Variants in C19orf25 observed in about 807,000 individuals in gnomAD.
C19orf25 encodes UPF0449 protein C19orf25.
In C19orf25, 1 loss-of-function variant was observed where a neutral mutation model predicts 3.1. The ratio of observed to expected loss-of-function variants is 0.32; its 90% CI spans 0.12 to 1.54. C19orf25 has a LOEUF of 1.54. C19orf25 is among the 40% of genes most tolerant of loss of function. The probability of loss-of-function intolerance (pLI) is 0.38; values close to 1 mark genes in which losing one functional copy is unlikely to be tolerated. For missense variants in C19orf25, 196 were observed against 160.4 expected (o/e 1.22, Z -1.20); for synonymous variants, 91 against 74.3 (o/e 1.23, Z -1.16).
chr19:1,478,780 G>C lies in C19orf25; in HGVS notation c.124C>G (p.Pro42Ala), dbSNP rs368399071. 2.3e-4 allele frequency: 356 copies of C among 1,573,624 alleles called. 3 individuals carry two copies. The highest frequency in any genetic ancestry group is 1.1e-3 in the South Asian group (93 of 85,816). The change falls in exon 2 of 3, where the codon CCG (proline) becomes GCG (alanine). Residue 42 changes from proline (P) to alanine (A), a missense_variant. Physicochemically the swap from Pro to Ala is conservative, Grantham distance 27. Transcript: ENST00000585675. ...AEDPVFTILA[P>A]EDPPVPFRMM... is the part of the protein sequence containing the mutation. Reference sequence around the variant, plus strand: ...GGGACCGGGCTCCCCCTACCTTCCGGGGCCAGGATGGTGAACACTGGATCC... The same window carrying C: ...GGGACCGGGCTCCCCCTACCTTCCGCGGCCAGGATGGTGAACACTGGATCC...
At chr19:1,476,329 T>C in intron 2 of C19orf25, 1 of 398,806 alleles carries the variant, frequency 2.5e-6, no homozygotes, top group Non-Finnish European at 4.4e-6. Context: ...GGCCGGGCAG[T>C]GCCTGGATGA....
At chr19:1,477,396 C>G (rs560106187) in intron 2 of C19orf25, among the ~76,000 whole-genome samples, 1 of 152,198 alleles carries the variant, frequency 6.6e-6, no homozygotes, top group African/African-American at 2.4e-5. Flanking sequence ...GTGCTCTAAG[C>G]GCAGAGCCCA....
intron 2 of C19orf25, 79 bp from the exon 3 acceptor site, chr19:1,475,337 G>A (rs919591355): frequency 1.8e-5 from 26 of 1,406,920 alleles, no homozygotes; most frequent in Non-Finnish European, 2.5e-5. Flanking sequence ...CCCCCAAAGG[G>A]CAGGGTTCCC....
At position 1,478,914 on chromosome 19, in the gene C19orf25, G is replaced by A. The variant is rs781475466; in HGVS notation, c.-2-9C>T. On this transcript the variant is annotated splice_polypyrimidine_tract_variant and intron_variant, in intron 1 of 2. Transcript: ENST00000585675. ...TGCCTTGGAGCCCATCTCTGAAGGC[G>A]GGGAAGGGGGCGCTGACCGGGGCGT... is the stretch of plus-strand genomic sequence containing the variant. The A allele has an allele frequency of 1.2e-5, 19 of 1,583,422 alleles. No homozygotes were observed. The highest frequency in any genetic ancestry group is 2.1e-4 in the Middle Eastern group (1 of 4,808).
chr19:1,478,362 T>G (rs938200548), intron 2 of C19orf25: 3 of 318,842 alleles, frequency 9.4e-6, no homozygotes, highest in Non-Finnish European at 1.7e-5. Context: ...TGCCTCAGCC[T>G]CCCGAGTAGC....
In C19orf25 at chr19:1,479,163, C is replaced by A. The variant is rs944297290; in HGVS notation, c.-3G>T. 1.6e-5 allele frequency: 21 copies of A among 1,279,742 alleles called. No individual in the cohort carries two copies. In the African/African-American group the frequency reaches 2.9e-4, roughly 18 times the overall value. The allele number at this position is 1,279,742 out of a possible 1,614,324, so 79.3% of individuals were successfully genotyped here. A position where few individuals can be genotyped will look rare whatever the true frequency, so the allele number is the denominator to read the frequency against. On this transcript the variant is annotated splice_region_variant and 5_prime_UTR_variant, in exon 1 of 3. Coordinates refer to ENST00000585675, the MANE Select transcript of C19orf25 (RefSeq NM_152482.3). ...ACCCCAGTCGCCGGCCTCTTCCCAC[C>A]TGGGCGCGGGACCCGAAAGCCCAGC...
chr19:1,474,838 G>A lies in C19orf25; in HGVS notation c.*194C>T. 6.8e-7 allele frequency: 1 copy of A among 1,465,580 alleles called. No homozygotes were observed. Among genetic ancestry groups the A allele is most frequent in the South Asian group, 1.3e-5 (1 of 74,144 alleles). The allele number at this position is 1,465,580 out of a possible 1,614,324, so 90.8% of individuals were successfully genotyped here. On this transcript the variant is annotated 3_prime_UTR_variant, in exon 3 of 3. Coordinates refer to ENST00000585675, the MANE Select transcript of C19orf25 (RefSeq NM_152482.3). ...CCTCAGGTCACGCAGGACGGAGCCA[G>A]CTGGGTGGGTCCCACCAACTCGGCA...
At chr19:1,479,135 G>A (rs2084238280) in intron 1 of C19orf25, 28 bp downstream of exon 1, 1 of 1,305,126 alleles carries the variant, frequency 7.7e-7, no homozygotes, top group East Asian at 3.2e-5. Flanking sequence ...TTTCCCCGCG[G>A]TCACCCCAGT....
intron 1 of C19orf25, 85 bp from the exon 2 acceptor site, chr19:1,478,990 C>G: frequency 1.4e-6 from 2 of 1,434,672 alleles, no homozygotes; most frequent in Non-Finnish European, 9.1e-7. Context: ...CGAACTCGTA[C>G]GCACCCGTCG....
intron 1 of C19orf25, 98 bp from the exon 2 acceptor site, chr19:1,479,003 G>T: frequency 7.0e-7 from 1 of 1,422,188 alleles, no homozygotes; most frequent in Middle Eastern, 2.6e-4. Context: ...ACCCGTCGCG[G>T]TCCCGCTCCC....
rs1382958697 is a variant in C19orf25 at position 1,474,447 on chromosome 19, C to G, written c.*585G>C. ...GCTGGGAGACACCCGTGCCGTGGAG[C>G]TAGGCCCAGCCTGGCTGGGTCTCAG... On this transcript the variant is annotated 3_prime_UTR_variant, in exon 3 of 3. Coordinates refer to ENST00000585675, the MANE Select transcript of C19orf25 (RefSeq NM_152482.3). 1.1e-5 allele frequency: 2 copies of G among 179,290 alleles called. No individual in the cohort carries two copies. Among genetic ancestry groups the G allele is most frequent in the African/African-American group, 4.7e-5 (2 of 42,472 alleles). The allele number at this position is 179,290 out of a possible 1,614,324, so 11.1% of individuals were successfully genotyped here.
rs2084174374 is a variant in C19orf25 at position 1,473,724 on chromosome 19, A to G, written c.*1308T>C. 6.6e-6 allele frequency: 1 copy of G among 152,546 alleles called. No homozygotes were observed. Among genetic ancestry groups the G allele is most frequent in the Admixed American group, 6.5e-5 (1 of 15,290 alleles). The allele number at this position is 152,546 out of a possible 1,614,324, so 9.4% of individuals were successfully genotyped here. On this transcript the variant is annotated 3_prime_UTR_variant, in exon 3 of 3. Transcript: ENST00000585675. ...ACAGCCCTGGCCCAGCTGGGGGGAC[A>G]AGGAAAGCTATGACTGCAAGCAGCA...
intron 2 of C19orf25, chr19:1,476,622 A>C (rs1334989256): frequency 3.8e-6 from 1 of 260,758 alleles, no homozygotes; most frequent in East Asian, 6.5e-5. Flanking sequence ...AATATGTCTA[A>C]AGGGAAAACA....
chr19:1,474,781 GTCCCTATCC>G lies in C19orf25; in HGVS notation c.*242_*250del, dbSNP rs1433806319. On this transcript the variant is annotated 3_prime_UTR_variant, in exon 3 of 3. Coordinates refer to ENST00000585675, the MANE Select transcript of C19orf25 (RefSeq NM_152482.3). ...GACAGAATCACAGTACAGCAATAAT[GTCCCTATCC>G]TCTTCCAGAACCCCAGTGGGGCCCT... The G allele has an allele frequency of 2.1e-6, 3 of 1,432,470 alleles. No homozygotes were observed. The highest frequency in any genetic ancestry group is 2.7e-6 in the Non-Finnish European group (3 of 1,094,200). 88.7% of individuals were successfully genotyped at this position (1,432,470 alleles called of 1,614,324 possible).
chr19:1,479,149 C>T lies in C19orf25; in HGVS notation c.-3+14G>A, dbSNP rs2084238539. ...GTTTCCCCGCGGTCACCCCAGTCGC[C>T]GGCCTCTTCCCACCTGGGCGCGGGA... On this transcript the variant is annotated intron_variant, in intron 1 of 2. Transcript: ENST00000585675. 4 of 1,290,338 alleles carry T rather than the reference C, an allele frequency of 3.1e-6. No homozygotes were observed. In the Admixed American group the frequency reaches 1.7e-4, roughly 54 times the overall value. 79.9% of individuals were successfully genotyped at this position (1,290,338 alleles called of 1,614,324 possible). A position where few individuals can be genotyped will look rare whatever the true frequency, so the allele number is the denominator to read the frequency against.
At position 1,475,219 on chromosome 19, in the gene C19orf25, G is replaced by T; in HGVS notation, c.170C>A (p.Ala57Asp). 2 of 1,561,806 alleles carry T rather than the reference G, an allele frequency of 1.3e-6. No homozygotes were observed. Among genetic ancestry groups the T allele is most frequent in the Non-Finnish European group, 8.7e-7 (1 of 1,153,974 alleles). The change falls in exon 3 of 3, where the codon GCC becomes GAC. Residue 57 changes from alanine (A) to aspartate (D), a missense_variant. Coordinates refer to ENST00000585675, the MANE Select transcript of C19orf25 (RefSeq NM_152482.3). Reference protein sequence around the residue: ...VPFRMMEDAEAPGEQLYQQSR... With the variant: ...VPFRMMEDAEDPGEQLYQQSR... Reference sequence around the variant, plus strand: ...TTGCTGGTAGAGCTGCTCTCCCGGGGCCTCCGCATCCTCCATCATCCTGAA... The same window carrying T: ...TTGCTGGTAGAGCTGCTCTCCCGGGTCCTCCGCATCCTCCATCATCCTGAA...
rs142040381 is a variant in C19orf25 at position 1,478,787 on chromosome 19, G to A, written c.117C>T (p.Ile39=). ...GGCTCCCCCTACCTTCCGGGGCCAGGATGGTGAACACTGGATCCTCTGCCG... is the reference window on the plus strand; with the variant it reads ...GGCTCCCCCTACCTTCCGGGGCCAGAATGGTGAACACTGGATCCTCTGCCG... ...GAPAEDPVFT[I]LAPEDPPVPF... The change falls in exon 2 of 3, where the codon ATC becomes ATT. Residue 39 remains isoleucine (I), a synonymous_variant. Transcript: ENST00000585675. 561 of 1,578,232 alleles carry A rather than the reference G, an allele frequency of 3.6e-4. No individual in the cohort carries two copies. The highest frequency in any genetic ancestry group is 4.5e-4 in the Non-Finnish European group (523 of 1,162,804).
chr19:1,476,391 C>T (rs760341353), intron 2 of C19orf25: 58 of 397,660 alleles, frequency 1.5e-4, no homozygotes, highest in Non-Finnish European at 2.2e-4. Flanking sequence ...CCCCGCACAG[C>T]GTGCCTCAGT....
Position 1,477,756 on chromosome 19 carries a change from C to A in C19orf25, c.130+1018G>T, listed in dbSNP as rs114964086. 5.8e-3 allele frequency among the ~76,000 whole-genome samples: 882 copies of A among 152,272 alleles called. 8 individuals carry two copies. The highest frequency in any genetic ancestry group is 0.02 in the African/African-American group (838 of 41,528). ...AAAATGTGAAGTCCATTCATAGCTCCCAGACCTTAAAAAAACAGCCAGGGG... is the reference window on the plus strand; with the variant it reads ...AAAATGTGAAGTCCATTCATAGCTCACAGACCTTAAAAAAACAGCCAGGGG... On this transcript the variant is annotated intron_variant, in intron 2 of 2. Coordinates refer to ENST00000585675, the MANE Select transcript of C19orf25 (RefSeq NM_152482.3).
Sources: gnomAD v4.1 joint callset for allele counts (sites outside exome capture counted in the v4.1 genomes callset) on GRCh38, gnomAD v4.1.1 for gene constraint, MANE v1.5 for transcripts, NCBI Gene and HGNC (gene_info 2026-07-23, HGNC 2026-07-21) for gene names.